Variants in SFI1 observed in about 807,000 individuals in gnomAD.
SFI1 encodes protein SFI1 homolog.
In SFI1, 195 loss-of-function variants were observed where a neutral mutation model predicts 207.5. That is an observed-to-expected ratio of 0.94 (90% CI 0.84 to 1.06). The LOEUF is 1.06. Ranked by LOEUF, SFI1 falls within the 50% of genes least tolerant of loss-of-function variation. SFI1 has a pLI of 0.00. For synonymous variants in SFI1, 630 were observed against 598.9 expected, an observed-to-expected ratio of 1.05 and a Z score of -0.76; for missense variants, 1,634 against 1,588.0, an observed-to-expected ratio of 1.03 and a Z score of -0.49.
chr22:31,530,076 G>T (rs1392760774), intron 3 of SFI1, among the ~76,000 whole-genome samples: 1 of 145,112 alleles, frequency 6.9e-6, no homozygotes, highest in Non-Finnish European at 1.5e-5. Flanking sequence ...GGAAGCTGAG[G>T]CAGGAGAATG....
intron 15 of SFI1, among the ~76,000 whole-genome samples, chr22:31,592,855 G>A (rs2066267501): frequency 7.2e-6 from 1 of 139,588 alleles, no homozygotes; most frequent in African/African-American, 2.9e-5. Context: ...CCAGGCGGGG[G>A]GGCTGACCCC....
intron 14 of SFI1, among the ~76,000 whole-genome samples, chr22:31,585,994 T>A (rs538386330): frequency 6.6e-6 from 1 of 152,256 alleles, no homozygotes; most frequent in South Asian, 2.1e-4. Context: ...TAGATTCACC[T>A]GTTAGCTAGT....
intron 15 of SFI1, among the ~76,000 whole-genome samples, chr22:31,594,081 A>G (rs2066669405): frequency 6.6e-6 from 1 of 152,040 alleles, no homozygotes; most frequent in South Asian, 2.1e-4. Context: ...TGTAACCTTC[A>G]TTATTAGCCA....
intron 10 of SFI1, among the ~76,000 whole-genome samples, chr22:31,576,850 C>G (rs2063576076): frequency 6.6e-6 from 1 of 152,042 alleles, no homozygotes; most frequent in South Asian, 2.1e-4. Flanking sequence ...CCATGTTAGT[C>G]AGGCTGGTCT....
At chr22:31,540,156 A>G (rs1219378739) in intron 4 of SFI1, among the ~76,000 whole-genome samples, 2 of 133,052 alleles carry the variant, frequency 1.5e-5, no homozygotes, top group Non-Finnish European at 3.2e-5. Context: ...TCCCCAGACA[A>G]AAGAGATACC....
chr22:31,517,748 C>A (rs2056725007), intron 2 of SFI1, among the ~76,000 whole-genome samples: 1 of 151,986 alleles, frequency 6.6e-6, no homozygotes, highest in African/African-American at 2.4e-5. Context: ...CTCAAGTGTC[C>A]ATTAAGGCCA....
At chr22:31,502,042 C>G (rs1472010485) in intron 1 of SFI1, among the ~76,000 whole-genome samples, 1 of 152,168 alleles carries the variant, frequency 6.6e-6, no homozygotes, top group East Asian at 1.9e-4. Context: ...AGGATACACT[C>G]TAGCCAACCT....
chr22:31,594,670 A>G (rs2066804653), intron 15 of SFI1, among the ~76,000 whole-genome samples: 1 of 151,570 alleles, frequency 6.6e-6, no homozygotes, highest in Admixed American at 6.6e-5. Context: ...CCTGGCTAAC[A>G]CGGAGAAACC....
intron 9 of SFI1, among the ~76,000 whole-genome samples, chr22:31,574,549 A>G (rs2145889982): frequency 6.6e-6 from 1 of 152,322 alleles, no homozygotes; most frequent in Middle Eastern, 3.4e-3. Context: ...TCTAAGTCCT[A>G]TCCAGGAGAC....
intron 14 of SFI1, chr22:31,587,326 A>G (rs2146328743): frequency 1.1e-5 from 2 of 182,198 alleles, no homozygotes; most frequent in South Asian, 3.2e-5. Context: ...TTTTTGAGAC[A>G]GGTTTCACTT....
At chr22:31,617,211 G>C (rs2071729186) in intron 31 of SFI1, 133 bp downstream of exon 31, 1 of 874,088 alleles carries the variant, frequency 1.1e-6, no homozygotes, top group Non-Finnish European at 1.8e-6. Flanking sequence ...CCATGGAGGG[G>C]TGTGGGGAGC....
At chr22:31,568,558 C>CAATT (rs2062638360) in intron 8 of SFI1, among the ~76,000 whole-genome samples, 17 of 117,562 alleles carry the variant, frequency 1.4e-4, no homozygotes, top group African/African-American at 5.5e-4. Flanking sequence ...AAAAAAAAAG[C>CAATT]ATTAGAAGCA....
chr22:31,570,322 C>T (rs576690870), intron 8 of SFI1, among the ~76,000 whole-genome samples: 3 of 152,098 alleles, frequency 2.0e-5, no homozygotes, highest in Non-Finnish European at 2.9e-5. Flanking sequence ...GAAGTTTTAG[C>T]GTCCAAGATG....
In SFI1 at chr22:31,618,503, T is replaced by G. The variant is rs2072235347; in HGVS notation, c.*85T>G. ...GAACAGAACACAGTTTTAAGTTTGA[T>G]TTTTTTTATTTCAAAATGCTTTGCA... On this transcript the variant is annotated 3_prime_UTR_variant, in exon 33 of 33. Coordinates refer to ENST00000400288, the MANE Select transcript of SFI1 (RefSeq NM_001007467.3). 9 of 1,262,316 alleles carry G rather than the reference T, an allele frequency of 7.1e-6. No homozygotes were observed. The South Asian group carries it at 1.1e-4, about 16-fold the overall frequency. The allele number at this position is 1,262,316 out of a possible 1,614,324, so 78.2% of individuals were successfully genotyped here. A position where few individuals can be genotyped will look rare whatever the true frequency, so the allele number is the denominator to read the frequency against.
chr22:31,596,415 TCTTGTCTCTTCTGGCTTC>T (rs1480089861), intron 15 of SFI1, among the ~76,000 whole-genome samples: 1 of 152,174 alleles, frequency 6.6e-6, no homozygotes, highest in East Asian at 1.9e-4. Flanking sequence ...AAAGGACATC[TCTTGTCTCTTCTGGCTTC>T]TGCAGACAGA....
In SFI1 at chr22:31,618,461, C is replaced by T. The variant is rs1381463847; in HGVS notation, c.*43C>T. On this transcript the variant is annotated 3_prime_UTR_variant, in exon 33 of 33. Coordinates refer to ENST00000400288, the MANE Select transcript of SFI1 (RefSeq NM_001007467.3). ...CGCAGGTGCTGGGCTGTCGGGGAGG[C>T]CTCAGGCCACCTCCAGGAACAGAAC... The T allele has an allele frequency of 2.7e-6, 4 of 1,466,960 alleles. No individual in the cohort carries two copies. The highest frequency in any genetic ancestry group is 2.8e-5 in the African/African-American group (2 of 70,496). The allele number at this position is 1,466,960 out of a possible 1,614,324, so 90.9% of individuals were successfully genotyped here.
chr22:31,594,000 G>GAGGGAGAGGGAGAGGGAC (rs1431676683), intron 15 of SFI1, among the ~76,000 whole-genome samples: 3 of 86,758 alleles, frequency 3.5e-5, no homozygotes, highest in African/African-American at 1.2e-4. Flanking sequence ...GGGAGAGGGA[G>GAGGGAGAGGGAGAGGGAC]AGGGACAGGG....
rs752670534 is a variant in SFI1 at position 31,615,064 on chromosome 22, G to C, written c.3085G>C (p.Glu1029Gln). 3.1e-6 allele frequency: 5 copies of C among 1,610,764 alleles called. No homozygotes were observed. Among genetic ancestry groups the C allele is most frequent in the African/African-American group, 2.7e-5 (2 of 74,918 alleles). ...AQSQRPQKPQEHGLGMAQPAA... is the reference protein window; with the variant it reads ...AQSQRPQKPQQHGLGMAQPAA... ...TGTGCTCAGGCCTCAGAAGCCACAG[G>C]AACATGGCCTAGGCATGGCTCAGCC... Residue 1029 changes from glutamate to glutamine, a missense_variant, in exon 29 of 33, where the codon GAA (glutamate) becomes CAA (glutamine). Transcript: ENST00000400288.
chr22:31,499,984 TAAAAAAAAAAAAAA>T (rs77752661), intron 1 of SFI1, among the ~76,000 whole-genome samples: 2 of 117,836 alleles, frequency 1.7e-5, no homozygotes, highest in Admixed American at 9.1e-5. Flanking sequence ...GACTCCATCT[TAAAAAAAAAAAAAA>T]AAAAACATTG....
Sources: gnomAD v4.1 joint callset for allele counts (sites outside exome capture counted in the v4.1 genomes callset) on GRCh38, gnomAD v4.1.1 for gene constraint, MANE v1.5 for transcripts, NCBI Gene and HGNC (gene_info 2026-07-23, HGNC 2026-07-21) for gene names.